The following MCMBP variants were observed in gnomAD, a reference collection of about 807,000 sequenced individuals.
MCMBP encodes the protein minichromosome maintenance complex binding protein, also known as mini-chromosome maintenance complex-binding protein.
Under a neutral mutation model 81.3 loss-of-function variants are expected in MCMBP, and 31 were observed. The observed-to-expected ratio is 0.38, with a 90% CI of 0.29 to 0.51. The LOEUF is 0.51. Ranked by LOEUF, MCMBP falls within the 20% of genes least tolerant of loss-of-function variation. The pLI, the probability that MCMBP is intolerant of heterozygous loss-of-function variation, is 0.87. For synonymous variants in MCMBP, 267 were observed against 275.9 expected, an observed-to-expected ratio of 0.97 and a Z score of 0.32; for missense variants, 645 against 772.1, an observed-to-expected ratio of 0.84 and a Z score of 1.95.
Position 119,836,882 on chromosome 10 carries a change from A to G in MCMBP, c.1542+14T>C. 6.3e-7 allele frequency: 1 copy of G among 1,588,838 alleles called. No homozygotes were observed. The highest frequency in any genetic ancestry group is 8.6e-7 in the Non-Finnish European group (1 of 1,166,088). On this transcript the variant is annotated intron_variant, in intron 13 of 15. Coordinates refer to ENST00000369077, the MANE Select transcript of MCMBP (RefSeq NM_001256378.2). ...AATGTCAACCTCCCTCCATTTAAAA[A>G]TGACTCATCATACCGGGAGGAGTGA...
At chr10:119,862,250 T>C (rs1853283462) in intron 1 of MCMBP, among the ~76,000 whole-genome samples, 2 of 152,116 alleles carry the variant, frequency 1.3e-5, no homozygotes, top group South Asian at 2.1e-4. Context: ...GAGGTTGCAG[T>C]GGGCCAAGAT....
At chr10:119,835,470 A>G in intron 14 of MCMBP, 70 bp downstream of exon 14, 1 of 1,307,332 alleles carries the variant, frequency 7.6e-7, no homozygotes, top group Non-Finnish European at 1.1e-6. Flanking sequence ...ATCAGTAATT[A>G]TGGTAAATGT....
chr10:119,850,045 TG>T (rs1852752678), intron 6 of MCMBP, among the ~76,000 whole-genome samples: 1 of 152,220 alleles, frequency 6.6e-6, no homozygotes, highest in Admixed American at 6.5e-5. Flanking sequence ...AACCAGTTGT[TG>T]GGGATATACA....
intron 5 of MCMBP, among the ~76,000 whole-genome samples, chr10:119,854,115 A>C (rs1589792283): frequency 2.0e-5 from 3 of 149,392 alleles, no homozygotes; most frequent in African/African-American, 7.4e-5. Flanking sequence ...ATTTCAGCTC[A>C]CTGCAGCCTC....
chr10:119,855,619 C>T (rs977307188), intron 5 of MCMBP, among the ~76,000 whole-genome samples: 3 of 151,786 alleles, frequency 2.0e-5, no homozygotes, highest in South Asian at 2.1e-4. Flanking sequence ...TGCAGTGAGC[C>T]GAGATTGTGC....
At chr10:119,836,679 T>C (rs1229056039) in intron 13 of MCMBP, among the ~76,000 whole-genome samples, 1 of 151,666 alleles carries the variant, frequency 6.6e-6, no homozygotes, top group African/African-American at 2.4e-5. Flanking sequence ...GACTTGCTGA[T>C]ACCTGAGCTT....
At chr10:119,864,885 A>G (rs183284300) in intron 1 of MCMBP, among the ~76,000 whole-genome samples, 16 of 152,234 alleles carry the variant, frequency 1.1e-4, no homozygotes, top group African/African-American at 3.4e-4. Context: ...TAATCCATGG[A>G]TTGTTTAGAA....
intron 1 of MCMBP, among the ~76,000 whole-genome samples, chr10:119,866,256 G>C (rs1853449676): frequency 6.6e-6 from 1 of 152,194 alleles, no homozygotes; most frequent in South Asian, 2.1e-4. Context: ...CAGAAGTATA[G>C]TTGTTGCCAG....
At chr10:119,854,684 T>C (rs61869095) in intron 5 of MCMBP, among the ~76,000 whole-genome samples, 8,381 of 151,676 alleles carry the variant, frequency 0.055, 424 homozygotes, top group South Asian at 0.27. Context: ...TGGCCGGGCA[T>C]AGTGGCTTAT....
chr10:119,848,629 A>C lies in MCMBP; in HGVS notation c.726+796T>G, dbSNP rs543980271. On this transcript the variant is annotated intron_variant, in intron 7 of 15. Transcript: ENST00000369077. ...CTGCCTCAAAAAAACAAACAAAAAAACCCCCCAAAAACAAAAAAACCCAAA... is the reference window on the plus strand; with the variant it reads ...CTGCCTCAAAAAAACAAACAAAAAACCCCCCCAAAAACAAAAAAACCCAAA... Among the ~76,000 whole-genome samples the C allele has an allele frequency of 4.4e-4, 67 of 151,976 alleles. 1 individual carries two copies. In the East Asian group the frequency reaches 0.011, roughly 24 times the overall value.
chr10:119,849,036 C>A (rs1852717531), intron 7 of MCMBP, among the ~76,000 whole-genome samples: 2 of 152,126 alleles, frequency 1.3e-5, no homozygotes, highest in Admixed American at 6.5e-5. Flanking sequence ...GGCTGGGCCC[C>A]ATGTAATCAC....
At chr10:119,846,002 G>C (rs1239047444) in intron 8 of MCMBP, among the ~76,000 whole-genome samples, 3 of 152,192 alleles carry the variant, frequency 2.0e-5, no homozygotes, top group Non-Finnish European at 2.9e-5. Flanking sequence ...GTGTATGTGT[G>C]CATTTAAATG....
chr10:119,841,760 CAAAG>C (rs959033413), intron 10 of MCMBP, among the ~76,000 whole-genome samples: 1 of 152,184 alleles, frequency 6.6e-6, no homozygotes, highest in African/African-American at 2.4e-5. Context: ...AAATGAGAAA[CAAAG>C]AAATACAGTG....
At chr10:119,843,062 CTT>C in intron 9 of MCMBP, 190 bp downstream of exon 9, 1 of 626,394 alleles carries the variant, frequency 1.6e-6, no homozygotes, top group Non-Finnish European at 2.8e-6. Context: ...CTTGTATACT[CTT>C]TTGTCCTCAT....
chr10:119,852,536 T>G (rs539259508), intron 6 of MCMBP, among the ~76,000 whole-genome samples: 4 of 152,244 alleles, frequency 2.6e-5, no homozygotes, highest in South Asian at 4.1e-4. Context: ...GTTAGCTGCA[T>G]GTGGTGGCAT....
chr10:119,855,848 A>AAGTT (rs1853020813), intron 5 of MCMBP, among the ~76,000 whole-genome samples: 2 of 152,216 alleles, frequency 1.3e-5, no homozygotes, highest in Non-Finnish European at 2.9e-5. Context: ...ATACTCTGAC[A>AAGTT]AGTTTTATGT....
intron 1 of MCMBP, among the ~76,000 whole-genome samples, chr10:119,872,085 C>G (rs935951976): frequency 2.0e-5 from 3 of 152,172 alleles, no homozygotes; most frequent in African/African-American, 2.4e-5. Flanking sequence ...CTCCCCGACG[C>G]ACCGGAAGTT....
intron 1 of MCMBP, among the ~76,000 whole-genome samples, chr10:119,864,192 G>T (rs1853366646): frequency 6.6e-6 from 1 of 152,212 alleles, no homozygotes; most frequent in Non-Finnish European, 1.5e-5. Flanking sequence ...AAAAGGAACA[G>T]ATTCTCTCCT....
At chr10:119,849,607 C>CT (rs1481055853) in intron 6 of MCMBP, 31 bp from the exon 7 acceptor site, 2 of 1,529,926 alleles carry the variant, frequency 1.3e-6, no homozygotes, top group Non-Finnish European at 1.7e-6. Flanking sequence ...TGCACTTAGT[C>CT]ATTTCTAAGG....
Sources: gnomAD v4.1 joint callset for allele counts (sites outside exome capture counted in the v4.1 genomes callset) on GRCh38, gnomAD v4.1.1 for gene constraint, MANE v1.5 for transcripts, NCBI Gene and HGNC (gene_info 2026-07-23, HGNC 2026-07-21) for gene names.